The following CCSER1 variants were observed in gnomAD, a reference collection of about 807,000 sequenced individuals.
CCSER1 encodes serine-rich coiled-coil domain-containing protein 1.
Under a neutral mutation model 82.0 loss-of-function variants are expected in CCSER1, and 41 were observed. The ratio of observed to expected loss-of-function variants is 0.50; its 90% confidence interval spans 0.39 to 0.65. The LOEUF (loss-of-function observed/expected upper bound fraction) is 0.65, where lower values mean the gene tolerates loss of function less well. CCSER1 is among the 30% of genes least tolerant of loss of function. The pLI is 0.00. For synonymous variants in CCSER1, 414 were observed against 383.9 expected (o/e 1.08, Z -0.92); for missense variants, 1,119 against 1,064.2 (o/e 1.05, Z -0.72).
chr4:90,302,497 G>A (rs1733345180), intron 1 of CCSER1, among the ~76,000 whole-genome samples: 1 of 152,124 alleles, frequency 6.6e-6, no homozygotes, highest in African/African-American at 2.4e-5. Flanking sequence ...GAAGGTGAAA[G>A]TGATTAGAAT....
At chr4:90,357,138 A>G (rs1744510380) in intron 3 of CCSER1, among the ~76,000 whole-genome samples, 1 of 151,962 alleles carries the variant, frequency 6.6e-6, no homozygotes. Context: ...ATTTAATTAT[A>G]GAATTTCAGT....
chr4:90,720,448 A>T (rs1448884793), intron 6 of CCSER1, among the ~76,000 whole-genome samples: 2 of 152,086 alleles, frequency 1.3e-5, no homozygotes, highest in East Asian at 3.8e-4. Context: ...TTTCATTTTC[A>T]TGGATTAAAA....
chr4:90,569,620 A>G (rs375213541), intron 5 of CCSER1, among the ~76,000 whole-genome samples: 1 of 152,188 alleles, frequency 6.6e-6, no homozygotes, highest in South Asian at 2.1e-4. Flanking sequence ...ACTGGCAGGA[A>G]GAGCTGCCCA....
rs191769971 is a variant in CCSER1 at position 91,507,530 on chromosome 4, G to A, written c.2218-91042G>A. On this transcript the variant is annotated intron_variant, in intron 10 of 10. Coordinates refer to ENST00000509176, the MANE Select transcript of CCSER1 (RefSeq NM_001145065.2). ...TGCAAGCTCTGCCTCTGGGGTTCAC[G>A]CCATTCTCCTGCCTCTACGTATCAT... 2.8e-3 allele frequency among the ~76,000 whole-genome samples: 428 copies of A among 151,972 alleles called. 4 individuals are homozygous for A. The highest frequency in any genetic ancestry group is 0.01 in the African/African-American group (415 of 41,478).
chr4:90,368,212 C>G (rs1206623814), intron 3 of CCSER1, among the ~76,000 whole-genome samples: 1 of 151,922 alleles, frequency 6.6e-6, no homozygotes, highest in Non-Finnish European at 1.5e-5. Context: ...CAAATAAAGA[C>G]AAGCTGTTAA....
rs1325829180 is a variant in CCSER1 at position 91,442,693 on chromosome 4, A to T, written c.2218-155879A>T. On this transcript the variant is annotated intron_variant, in intron 10 of 10. Transcript: ENST00000509176. ...CATCAGAGTGAACAGGCAACCTACA[A>T]AATGGGAGAAAATTTTCGCAACCTA... is the stretch of plus-strand genomic sequence containing the variant. Among the ~76,000 whole-genome samples, 782 of 133,776 alleles carry T rather than the reference A, an allele frequency of 5.8e-3. 5 individuals are homozygous for T. The highest frequency in any genetic ancestry group is 0.044 in the Middle Eastern group (12 of 274). 87.8% of individuals were successfully genotyped at this position (133,776 alleles called of 152,430 possible).
At chr4:90,180,857 A>G (rs1250989876) in intron 1 of CCSER1, among the ~76,000 whole-genome samples, 1 of 152,150 alleles carries the variant, frequency 6.6e-6, no homozygotes, top group Non-Finnish European at 1.5e-5. Context: ...CATAATGTAA[A>G]AGGCATGTTG....
intron 3 of CCSER1, among the ~76,000 whole-genome samples, chr4:90,388,115 C>A (rs1162522648): frequency 6.6e-6 from 1 of 152,096 alleles, no homozygotes; most frequent in Non-Finnish European, 1.5e-5. Context: ...AATACCTATT[C>A]TAATATTTCA....
At chr4:91,250,744 AAC>A (rs1327971423) in intron 10 of CCSER1, among the ~76,000 whole-genome samples, 1 of 151,782 alleles carries the variant, frequency 6.6e-6, no homozygotes, top group Non-Finnish European at 1.5e-5. Context: ...TTTTTTAAAA[AAC>A]ACAATGCAAA....
intron 1 of CCSER1, among the ~76,000 whole-genome samples, chr4:90,131,221 G>A (rs534873360): frequency 2.6e-5 from 4 of 152,126 alleles, no homozygotes; most frequent in African/African-American, 4.8e-5. Flanking sequence ...GGCTGGTCTC[G>A]AACTCCGGAC....
rs539729462 is a variant in CCSER1 at position 90,890,087 on chromosome 4, C to T, written c.2095-33283C>T. ...TTTTAAAAAAAGTCAAAATTGCCTC[C>T]GTGTACTCTAGGAAAAATTATGGTG... On this transcript the variant is annotated intron_variant, in intron 8 of 10. Coordinates refer to ENST00000509176, the MANE Select transcript of CCSER1 (RefSeq NM_001145065.2). Among the ~76,000 whole-genome samples, 8 of 152,106 alleles carry T rather than the reference C, an allele frequency of 5.3e-5. No individual in the cohort carries two copies. In the South Asian group the frequency reaches 8.3e-4, roughly 16 times the overall value.
rs1480133262 is a variant in CCSER1, at chr4:90,932,917, A to G, written c.2172+9470A>G. On this transcript the variant is annotated intron_variant, in intron 9 of 10. Coordinates refer to ENST00000509176, the MANE Select transcript of CCSER1 (RefSeq NM_001145065.2). ...AGGAAGGAGAAAGAAGGAGAAAGAA[A>G]GAAAGAAAGAAAGAAAGAAAGAAAG... Among the ~76,000 whole-genome samples, 75 of 15,820 alleles carry G rather than the reference A, an allele frequency of 4.7e-3. 14 individuals carry two copies. The highest frequency in any genetic ancestry group is 6.9e-3 in the Non-Finnish European group (64 of 9,258). The allele number at this position is 15,820 out of a possible 152,430, so 10.4% of individuals were successfully genotyped here.
intron 1 of CCSER1, among the ~76,000 whole-genome samples, chr4:90,240,984 G>A (rs1350680740): frequency 6.6e-6 from 1 of 152,162 alleles, no homozygotes; most frequent in Non-Finnish European, 1.5e-5. Flanking sequence ...AATTCATGGT[G>A]TATCAATAGA....
intron 10 of CCSER1, among the ~76,000 whole-genome samples, chr4:91,118,520 C>T (rs1394703608): frequency 2.0e-5 from 3 of 152,146 alleles, no homozygotes; most frequent in Non-Finnish European, 4.4e-5. Flanking sequence ...AGCATTCCTC[C>T]TGCCCTGGCC....
intron 8 of CCSER1, among the ~76,000 whole-genome samples, chr4:90,865,553 A>G (rs539136049): frequency 6.6e-6 from 1 of 152,162 alleles, no homozygotes; most frequent in African/African-American, 2.4e-5. Flanking sequence ...CATTAGACTT[A>G]GTATCTCACA....
At chr4:90,783,101 C>A (rs1353482990) in intron 7 of CCSER1, among the ~76,000 whole-genome samples, 1 of 152,146 alleles carries the variant, frequency 6.6e-6, no homozygotes, top group African/African-American at 2.4e-5. Flanking sequence ...GCCACCATGC[C>A]TGGCTAATTT....
At chr4:91,533,460 G>A (rs1234703418) in intron 10 of CCSER1, among the ~76,000 whole-genome samples, 2 of 152,274 alleles carry the variant, frequency 1.3e-5, no homozygotes, top group East Asian at 3.9e-4. Flanking sequence ...AAGGGGAGGG[G>A]AATAGGGTAT....
chr4:90,170,038 C>A (rs1016507904), intron 1 of CCSER1, among the ~76,000 whole-genome samples: 4 of 151,860 alleles, frequency 2.6e-5, no homozygotes, highest in African/African-American at 9.7e-5. Context: ...TGGTTCAGAT[C>A]TTCTGATTTC....
chr4:90,405,048 C>T (rs767736409), intron 4 of CCSER1, among the ~76,000 whole-genome samples: 21 of 151,564 alleles, frequency 1.4e-4, no homozygotes, highest in Non-Finnish European at 4.4e-5. Flanking sequence ...ATTAGAAGGT[C>T]GATTATTAAG....
Sources: gnomAD v4.1 joint callset for allele counts (sites outside exome capture counted in the v4.1 genomes callset) on GRCh38, gnomAD v4.1.1 for gene constraint, MANE v1.5 for transcripts, NCBI Gene and HGNC (gene_info 2026-07-23, HGNC 2026-07-21) for gene names.